ACO2: variants seen among roughly 807,000 people sequenced by gnomAD.
ACO2 encodes the protein aconitate hydratase, mitochondrial.
A neutral mutation model predicts 84.5 loss-of-function variants in ACO2; 31 were observed. That is an observed-to-expected ratio of 0.37 (90% CI 0.28 to 0.50). ACO2 has a LOEUF of 0.50. Among genes scored for constraint, ACO2 ranks in the 20% least tolerant of loss-of-function variants. The pLI is 0.97. For missense variants in ACO2, 685 were observed against 1,029.3 expected, an observed-to-expected ratio of 0.67 and a Z score of 4.58; for synonymous variants, 414 against 412.7, an observed-to-expected ratio of 1.00 and a Z score of -0.04.
chr22:41,471,897 ACT>A (rs1254952744), intron 1 of ACO2, among the ~76,000 whole-genome samples: 1 of 151,970 alleles, frequency 6.6e-6, no homozygotes, highest in African/African-American at 2.4e-5. Context: ...TACCGTAATG[ACT>A]CTAACACTCA....
chr22:41,484,502 T>G (rs1240400852), intron 1 of ACO2, among the ~76,000 whole-genome samples: 1 of 152,186 alleles, frequency 6.6e-6, no homozygotes, highest in Non-Finnish European at 1.5e-5. Flanking sequence ...ATTTTCTCCA[T>G]GAAATATATC....
chr22:41,503,924 T>C (rs2066372478), intron 2 of ACO2, among the ~76,000 whole-genome samples: 1 of 152,056 alleles, frequency 6.6e-6, no homozygotes, highest in South Asian at 2.1e-4. Flanking sequence ...TAAAAAGAAT[T>C]ATATTCTAGC....
At chr22:41,507,435 T>C (rs945233318) in intron 2 of ACO2, among the ~76,000 whole-genome samples, 1 of 152,144 alleles carries the variant, frequency 6.6e-6, no homozygotes, top group Non-Finnish European at 1.5e-5. Context: ...GTTGTTGTTG[T>C]TAAATGGCAG....
At chr22:41,506,938 C>T (rs1009739803) in intron 2 of ACO2, among the ~76,000 whole-genome samples, 1 of 152,072 alleles carries the variant, frequency 6.6e-6, no homozygotes, top group Middle Eastern at 3.4e-3. Flanking sequence ...TCAGCCGGAA[C>T]GTTGAGCCTG....
intron 3 of ACO2, 22 bp downstream of exon 3, chr22:41,508,071 G>T: frequency 6.3e-7 from 1 of 1,598,470 alleles, no homozygotes; most frequent in South Asian, 1.1e-5. Flanking sequence ...GTGGCTTTGG[G>T]GGTGGGCAAG....
intron 4 of ACO2, among the ~76,000 whole-genome samples, chr22:41,513,628 A>G (rs2066453758): frequency 6.6e-6 from 1 of 152,216 alleles, no homozygotes; most frequent in Non-Finnish European, 1.5e-5. Context: ...GCATCTGCCA[A>G]GTGCTTTCTG....
At chr22:41,528,428 A>G (rs546187278) in intron 17 of ACO2, 51 bp from the exon 18 acceptor site, 132 of 1,596,978 alleles carry the variant, frequency 8.3e-5, no homozygotes, top group Middle Eastern at 4.6e-4. Context: ...CTGCGGGGCC[A>G]AGGGCACACA....
intron 1 of ACO2, among the ~76,000 whole-genome samples, chr22:41,489,230 G>A (rs2146094078): frequency 6.6e-6 from 1 of 152,252 alleles, no homozygotes; most frequent in South Asian, 2.1e-4. Context: ...CCTTTGTGGA[G>A]ACAGGGTCTC....
chr22:41,527,365 GC>G lies in ACO2; in HGVS notation c.2033del (p.Pro678LeufsTer22). The G allele has an allele frequency of 6.2e-7, 1 of 1,614,012 alleles. No individual in the cohort carries two copies. The highest frequency in any genetic ancestry group is 8.5e-7 in the Non-Finnish European group (1 of 1,180,002). On this transcript the variant is annotated frameshift_variant, in exon 16 of 18. Transcript: ENST00000216254. LOFTEE classifies it high-confidence loss of function. ...CGAGCCGGGAGCATGCAGCTCTGGA[GC>G]CTCGCCACCTTGGGGGCCGGGCCAT... Reference protein sequence around the residue: ...GSSREHAALEPRHLGGRAIIT... With the variant: ...GSSREHAALEXRHLGGRAIIT...
intron 8 of ACO2, 41 bp downstream of exon 8, chr22:41,518,613 T>C: frequency 6.7e-7 from 1 of 1,489,226 alleles, no homozygotes; most frequent in Non-Finnish European, 9.4e-7. Context: ...TTTCTGAGAG[T>C]AGTGGGGAGC....
intron 11 of ACO2, 41 bp from the exon 12 acceptor site, chr22:41,523,776 CAGGCCAGGTGACA>C (rs2066547566): frequency 1.5e-5 from 22 of 1,484,618 alleles, no homozygotes; most frequent in African/African-American, 2.8e-5. Flanking sequence ...GTCCTCGGGA[CAGGCCAGGTGACA>C]AGGCCAGATA....
Position 41,515,746 on chromosome 22 carries a change from G to T in ACO2, c.685-21G>T, listed in dbSNP as rs780553868. The T allele has an allele frequency of 4.3e-6, 7 of 1,612,510 alleles. No homozygotes were observed. The highest frequency in any genetic ancestry group is 3.4e-6 in the Non-Finnish European group (4 of 1,179,872). The stretch of plus-strand genomic sequence containing the variant: ...CAGGCACACACGGCCTCTCACAGCC[G>T]CCTCGCCCCCTCCTGTCCAGGTGAT... On this transcript the variant is annotated intron_variant, in intron 5 of 17. Transcript: ENST00000216254. The surrounding 1 kb of genome is among the most constrained non-coding windows in gnomAD (Gnocchi z 5.8).
intron 14 of ACO2, among the ~76,000 whole-genome samples, 186 bp downstream of exon 14, chr22:41,525,534 G>A (rs143242961): frequency 6.6e-6 from 1 of 152,328 alleles, no homozygotes; most frequent in African/African-American, 2.4e-5. Context: ...CTTCTCTGTG[G>A]CCCCGAACTG....
At chr22:41,524,032 G>A in intron 12 of ACO2, 91 bp downstream of exon 12, 2 of 1,124,202 alleles carry the variant, frequency 1.8e-6, no homozygotes, top group Non-Finnish European at 2.6e-6. Flanking sequence ...GGGGACTGGG[G>A]TCATCCAAGT....
At chr22:41,475,897 CAAA>C (rs34893746) in intron 1 of ACO2, among the ~76,000 whole-genome samples, 6 of 112,926 alleles carry the variant, frequency 5.3e-5, no homozygotes, top group East Asian at 2.7e-4. Flanking sequence ...AACTCTGTCT[CAAA>C]AAAAAAAAAA....
intron 9 of ACO2, among the ~76,000 whole-genome samples, chr22:41,521,781 T>C (rs2066528696): frequency 6.6e-6 from 1 of 151,158 alleles, no homozygotes; most frequent in South Asian, 2.1e-4. Context: ...CCCAACCCTT[T>C]TTTTTTTTTT....
rs759920667 is a variant in ACO2, at chr22:41,511,930, G to T, written c.487G>T (p.Val163Leu). The change falls in exon 4 of 18, where the codon GTG becomes TTG. Residue 163 changes from valine (V) to leucine (L), a missense_variant. Val to Leu is a conservative substitution (Grantham distance 32). Transcript: ENST00000216254. ...GGCAACTGCAGGTGCCAAATATGGC[G>T]TGGGCTTCTGGAAGCCTGGATCTGG... is the stretch of plus-strand genomic sequence containing the variant. ...FLATAGAKYGVGFWKPGSGII... is the reference protein window; with the variant it reads ...FLATAGAKYGLGFWKPGSGII... 6.0e-5 allele frequency: 96 copies of T among 1,611,234 alleles called. No individual in the cohort carries two copies. Among genetic ancestry groups the T allele is most frequent in the Admixed American group, 2.5e-4 (15 of 59,704 alleles).
chr22:41,500,354 A>G (rs2066345323), intron 2 of ACO2, among the ~76,000 whole-genome samples: 1 of 147,528 alleles, frequency 6.8e-6, no homozygotes, highest in Non-Finnish European at 1.5e-5. Context: ...CAGAGTATAT[A>G]TATATTTATA....
intron 3 of ACO2, 24 bp downstream of exon 3, chr22:41,508,073 G>A: frequency 6.3e-7 from 1 of 1,594,170 alleles, no homozygotes; most frequent in South Asian, 1.1e-5. Flanking sequence ...GGCTTTGGGG[G>A]TGGGCAAGTG....
Sources: gnomAD v4.1 joint callset for allele counts (sites outside exome capture counted in the v4.1 genomes callset) on GRCh38, gnomAD v4.1.1 for gene constraint, Gnocchi (gnomAD v3.1) non-coding constraint, MANE v1.5 for transcripts, NCBI Gene and HGNC (gene_info 2026-07-23, HGNC 2026-07-21) for gene names.